OSBPL1A: variants seen among roughly 807,000 people sequenced by gnomAD.
OSBPL1A encodes oxysterol binding protein like 1A, also known as oxysterol-binding protein-related protein 1.
OSBPL1A carries 80 observed loss-of-function variants against 137.1 expected under a neutral mutation model. The ratio of observed to expected loss-of-function variants is 0.58; its 90% CI spans 0.49 to 0.70. The LOEUF is 0.70. Ranked by LOEUF, OSBPL1A falls within the 30% of genes least tolerant of loss-of-function variation. The probability of loss-of-function intolerance (pLI) is 0.00; values close to 1 mark genes in which losing one functional copy is unlikely to be tolerated. For missense variants in OSBPL1A, 970 were observed against 1,129.4 expected, an observed-to-expected ratio of 0.86 and a Z score of 2.02; for synonymous variants, 365 against 389.7, an observed-to-expected ratio of 0.94 and a Z score of 0.75.
intron 13 of OSBPL1A, among the ~76,000 whole-genome samples, chr18:24,307,719 T>C (rs2090529646): frequency 6.6e-6 from 1 of 152,234 alleles, no homozygotes; most frequent in Non-Finnish European, 1.5e-5. Flanking sequence ...CCAATCTTTA[T>C]TAGCTCCACG....
At chr18:24,201,902 T>C (rs2087232708) in intron 17 of OSBPL1A, among the ~76,000 whole-genome samples, 1 of 152,104 alleles carries the variant, frequency 6.6e-6, no homozygotes, top group Admixed American at 6.5e-5. Flanking sequence ...GGCTAGACAC[T>C]CAACACTGTT....
rs191292359 is a variant in OSBPL1A, at chr18:24,378,365, A to G, written c.-2-830T>C. On this transcript the variant is annotated intron_variant, in intron 1 of 27. Transcript: ENST00000319481. ...AATATAAATGCATACAACCTTTCAT[A>G]CATTACAGGTGGAGATCAGCAATTT... Among the ~76,000 whole-genome samples, 44 of 152,360 alleles carry G rather than the reference A, an allele frequency of 2.9e-4. 1 individual carries two copies. In the East Asian group the frequency reaches 7.3e-3, roughly 25 times the overall value.
intron 15 of OSBPL1A, among the ~76,000 whole-genome samples, chr18:24,255,001 G>A (rs1359414314): frequency 1.3e-5 from 2 of 152,032 alleles, no homozygotes; most frequent in Non-Finnish European, 2.9e-5. Context: ...AATAAAATCA[G>A]GGATGAAAAT....
intron 15 of OSBPL1A, among the ~76,000 whole-genome samples, chr18:24,257,071 C>G (rs372547600): frequency 1.4e-5 from 2 of 147,220 alleles, no homozygotes; most frequent in East Asian, 4.1e-4. Flanking sequence ...TCAACAGATT[C>G]AATGCTATCC....
At chr18:24,306,102 A>G (rs2090495367) in intron 13 of OSBPL1A, among the ~76,000 whole-genome samples, 1 of 152,208 alleles carries the variant, frequency 6.6e-6, no homozygotes, top group Non-Finnish European at 1.5e-5. Flanking sequence ...CAATGTTATA[A>G]TACCTAAAGT....
At chr18:24,297,235 T>C (rs996687147) in intron 14 of OSBPL1A, among the ~76,000 whole-genome samples, 27 of 152,168 alleles carry the variant, frequency 1.8e-4, no homozygotes, top group Non-Finnish European at 2.6e-4. Flanking sequence ...GGATTGTGTT[T>C]CCAAGAATTT....
At chr18:24,308,817 C>T (rs943637710) in intron 13 of OSBPL1A, among the ~76,000 whole-genome samples, 1 of 152,012 alleles carries the variant, frequency 6.6e-6, no homozygotes, top group Non-Finnish European at 1.5e-5. Flanking sequence ...GACTGGAGTG[C>T]AGTGGCACAA....
intron 16 of OSBPL1A, among the ~76,000 whole-genome samples, chr18:24,227,199 G>A (rs1286801639): frequency 2.6e-5 from 4 of 151,802 alleles, no homozygotes; most frequent in African/African-American, 4.8e-5. Flanking sequence ...GGCCAGAAAC[G>A]GACATTTTAA....
intron 16 of OSBPL1A, among the ~76,000 whole-genome samples, chr18:24,233,243 T>C (rs1263341608): frequency 3.3e-5 from 5 of 152,340 alleles, no homozygotes; most frequent in South Asian, 4.1e-4. Flanking sequence ...CCTAAAGTCA[T>C]GTACCTTTAG....
At chr18:24,321,640 A>T in intron 7 of OSBPL1A, 2 of 501,728 alleles carry the variant, frequency 4.0e-6, no homozygotes, top group South Asian at 3.0e-5. Flanking sequence ...GCCCCACAGT[A>T]AGTTGAGGAG....
rs2086285331 is a variant in OSBPL1A at position 24,171,486 on chromosome 18, T to A, written c.2214A>T (p.Lys738Asn). 2.5e-6 allele frequency: 4 copies of A among 1,613,082 alleles called. No homozygotes were observed. The East Asian group carries it at 8.9e-5, about 36-fold the overall frequency. ...CACATGGCTTAAAATTCAACACACA[T>A]TTGTCCCCAGTCCTATAAAGAAAAT... Reference protein sequence around the residue: ...VEIINHKTGDKCVLNFKPCGL... With the variant: ...VEIINHKTGDNCVLNFKPCGL... The change falls in exon 23 of 28, where the codon AAA (lysine) becomes AAT (asparagine). Residue 738 changes from lysine to asparagine, a missense_variant. Lys to Asn is a moderately conservative substitution (Grantham distance 94). This residue lies in a region of OSBPL1A where 323 missense variants were observed against 456.8 expected (regional missense o/e 0.71). Coordinates refer to ENST00000319481, the MANE Select transcript of OSBPL1A (RefSeq NM_080597.4).
chr18:24,245,975 G>A (rs922311384), intron 15 of OSBPL1A, among the ~76,000 whole-genome samples: 1 of 151,964 alleles, frequency 6.6e-6, no homozygotes, highest in African/African-American at 2.4e-5. Context: ...TTTGGGAGGT[G>A]GAGGCAGGTG....
intron 7 of OSBPL1A, among the ~76,000 whole-genome samples, chr18:24,331,489 C>A (rs796763616): frequency 6.7e-6 from 1 of 150,274 alleles, no homozygotes; most frequent in South Asian, 2.1e-4. Context: ...CTCCGCCTCC[C>A]GGGTTCACGC....
intron 1 of OSBPL1A, among the ~76,000 whole-genome samples, chr18:24,391,980 C>A (rs1275613375): frequency 6.6e-6 from 1 of 152,042 alleles, no homozygotes; most frequent in East Asian, 1.9e-4. Context: ...CTCAGCCTCC[C>A]AAGTAGCTGG....
chr18:24,240,765 A>G (rs2088666979), intron 15 of OSBPL1A, among the ~76,000 whole-genome samples: 1 of 152,170 alleles, frequency 6.6e-6, no homozygotes, highest in African/African-American at 2.4e-5. Flanking sequence ...CCAACATATA[A>G]AATAGATGTT....
intron 15 of OSBPL1A, among the ~76,000 whole-genome samples, chr18:24,241,576 A>G (rs1172034531): frequency 2.0e-5 from 3 of 152,258 alleles, no homozygotes; most frequent in Admixed American, 6.5e-5. Flanking sequence ...CCACAATGAG[A>G]TACCATCTTA....
At chr18:24,198,166 G>C (rs2087094755) in intron 17 of OSBPL1A, among the ~76,000 whole-genome samples, 1 of 152,174 alleles carries the variant, frequency 6.6e-6, no homozygotes, top group African/African-American at 2.4e-5. Flanking sequence ...AAAGAAGCTT[G>C]TGAAGAGGGA....
At chr18:24,288,281 A>AG (rs541978417) in intron 14 of OSBPL1A, among the ~76,000 whole-genome samples, 111 of 152,318 alleles carry the variant, frequency 7.3e-4, no homozygotes, top group South Asian at 5.8e-3. Flanking sequence ...TGTAGAAGGA[A>AG]GGAAGGAATA....
At chr18:24,176,474 A>ATTT (rs533631917) in intron 21 of OSBPL1A, among the ~76,000 whole-genome samples, 1 of 142,452 alleles carries the variant, frequency 7.0e-6, no homozygotes, top group Non-Finnish European at 1.5e-5. Flanking sequence ...AAATACTTCT[A>ATTT]TTTTTTTTTT....
Sources: gnomAD v4.1 joint callset for allele counts (sites outside exome capture counted in the v4.1 genomes callset) on GRCh38, gnomAD v4.1.1 for gene constraint, gnomAD v4.1.1 regional missense constraint, MANE v1.5 for transcripts, NCBI Gene and HGNC (gene_info 2026-07-23, HGNC 2026-07-21) for gene names.